The following APC variants were observed in gnomAD, a reference collection of about 807,000 sequenced individuals.
The protein encoded by APC is adenomatous polyposis coli protein.
Under a neutral mutation model 247.0 loss-of-function variants are expected in APC, and 72 were observed. The observed-to-expected ratio is 0.29, with a 90% CI of 0.24 to 0.35. The LOEUF (loss-of-function observed/expected upper bound fraction) is 0.35, where lower values mean the gene tolerates loss of function less well. Among genes scored for constraint, APC ranks in the 10% least tolerant of loss-of-function variants. The probability of loss-of-function intolerance (pLI) is 1.00; values close to 1 mark genes in which losing one functional copy is unlikely to be tolerated. For missense variants in APC, 3,400 were observed against 3,360.7 expected (o/e 1.01, Z -0.29); for synonymous variants, 1,254 against 1,162.5 (o/e 1.08, Z -1.60).
intron 6 of APC, among the ~76,000 whole-genome samples, chr5:112,785,462 CAT>C (rs1328350179): frequency 1.3e-5 from 2 of 152,086 alleles, no homozygotes; most frequent in African/African-American, 4.8e-5. Context: ...TAAAGAAAAA[CAT>C]AAAATTGTTG....
intron 1 of APC, among the ~76,000 whole-genome samples, chr5:112,741,162 T>G (rs1752970395): frequency 6.6e-6 from 1 of 152,196 alleles, no homozygotes; most frequent in South Asian, 2.1e-4. Context: ...ATAAGACACG[T>G]AAACTAATCT....
chr5:112,746,449 T>A lies in APC; in HGVS notation c.-18-8424T>A, dbSNP rs76402559. 4.4e-3 allele frequency among the ~76,000 whole-genome samples: 666 copies of A among 152,278 alleles called. 7 individuals are homozygous for A. Among genetic ancestry groups the A allele is most frequent in the African/African-American group, 0.015 (643 of 41,578 alleles). ...CTATAAAAATTTAAAACTATACATT[T>A]TCTCTTTAAAAATTCTAAGTGAAAT... On this transcript the variant is annotated intron_variant, in intron 1 of 15. Coordinates refer to ENST00000257430, the MANE Select transcript of APC (RefSeq NM_000038.6).
chr5:112,812,850 A>G (rs543103454), intron 8 of APC, among the ~76,000 whole-genome samples: 1 of 152,318 alleles, frequency 6.6e-6, no homozygotes, highest in East Asian at 1.9e-4. Context: ...TTGCATGTGG[A>G]TTTAAAGACC....
chr5:112,743,789 C>G lies in APC; in HGVS notation c.-19+5864C>G, dbSNP rs554744390. On this transcript the variant is annotated intron_variant, in intron 1 of 15. Transcript: ENST00000257430. Reference sequence around the variant, plus strand: ...ACCAGTCATTGAACTTAGGGCCACTCTAATCCAGTATGACCTCATCTCAAA... The same window carrying G: ...ACCAGTCATTGAACTTAGGGCCACTGTAATCCAGTATGACCTCATCTCAAA... Among the ~76,000 whole-genome samples the G allele has an allele frequency of 3.9e-5, 6 of 152,296 alleles. No homozygotes were observed. In the East Asian group the frequency reaches 1.2e-3, roughly 29 times the overall value.
At position 112,840,745 on chromosome 5, in the gene APC, A is replaced by G. The variant is rs1554086481; in HGVS notation, c.5151A>G (p.Lys1717=). 1.9e-6 allele frequency: 3 copies of G among 1,614,138 alleles called. No individual in the cohort carries two copies. In the East Asian group the frequency reaches 6.7e-5, roughly 36 times the overall value. ...SVTIPELDDN[K]AEEGDILAEC... Reference sequence around the variant, plus strand: ...CCATACCTGAATTGGATGACAATAAAGCAGAGGAAGGTGATATTCTTGCAG... The same window carrying G: ...CCATACCTGAATTGGATGACAATAAGGCAGAGGAAGGTGATATTCTTGCAG... The change falls in exon 16 of 16, where the codon AAA becomes AAG. Residue 1717 remains lysine (K), a synonymous_variant. Coordinates refer to ENST00000257430, the MANE Select transcript of APC (RefSeq NM_000038.6). This position sits in a 1 kb window ranked among gnomAD's most constrained non-coding sequence, Gnocchi z 4.1.
At chr5:112,822,029 C>G (rs899102384) in intron 11 of APC, 38 bp downstream of exon 11, 12 of 1,304,346 alleles carry the variant, frequency 9.2e-6, no homozygotes, top group Non-Finnish European at 1.3e-5. Context: ...TAGACAATTA[C>G]TGGTGGATTT....
At chr5:112,746,205 A>C (rs1753656328) in intron 1 of APC, among the ~76,000 whole-genome samples, 1 of 152,142 alleles carries the variant, frequency 6.6e-6, no homozygotes, top group African/African-American at 2.4e-5. Flanking sequence ...GCATTAAAAG[A>C]GTAAATCACA....
chr5:112,808,985 TGA>T, intron 8 of APC, among the ~76,000 whole-genome samples: 1 of 152,204 alleles, frequency 6.6e-6, no homozygotes, highest in South Asian at 2.1e-4. Context: ...AGGAGGTTTG[TGA>T]GAGAAAATAA....
intron 5 of APC, chr5:112,777,622 A>G (rs1268063687): frequency 5.6e-6 from 1 of 179,522 alleles, no homozygotes; most frequent in African/African-American, 2.4e-5. Context: ...CAAGACCCAT[A>G]TAAAACAGGG....
chr5:112,733,774 A>G (rs760423238), upstream of APC, among the ~76,000 whole-genome samples: 1 of 152,210 alleles, frequency 6.6e-6, no homozygotes, highest in Non-Finnish European at 1.5e-5. Context: ...ATTTTATTGT[A>G]GGAAGACTAA....
chr5:112,837,695 A>G lies in APC; in HGVS notation c.2101A>G (p.Met701Val), dbSNP rs1561574872. Reference protein sequence around the residue: ...NPKDQEALWDMGAVSMLKNLI... With the variant: ...NPKDQEALWDVGAVSMLKNLI... ...TAAAGACCAGGAAGCATTATGGGAC[A>G]TGGGGGCAGTTAGCATGCTCAAGAA... Residue 701 changes from methionine to valine, a missense_variant, in exon 16 of 16, where the codon ATG becomes GTG. Met to Val is a conservative substitution (Grantham distance 21). Around this residue, in one of 9 missense-constraint regions of APC, gnomAD observed 184 missense variants for 248.0 expected, o/e 0.74. Coordinates refer to ENST00000257430, the MANE Select transcript of APC (RefSeq NM_000038.6). The G allele has an allele frequency of 1.2e-6, 2 of 1,614,224 alleles. No homozygotes were observed. The highest frequency in any genetic ancestry group is 1.7e-6 in the Non-Finnish European group (2 of 1,180,040).
At chr5:112,778,980 G>A (rs938947904) in intron 5 of APC, among the ~76,000 whole-genome samples, 1 of 152,184 alleles carries the variant, frequency 6.6e-6, no homozygotes, top group Non-Finnish European at 1.5e-5. Flanking sequence ...AAACCGTTTT[G>A]AAAACATGTA....
At chr5:112,717,348 CATT>C (rs1182938221) in intron 1 of APC, among the ~76,000 whole-genome samples, 1 of 152,128 alleles carries the variant, frequency 6.6e-6, no homozygotes, top group African/African-American at 2.4e-5. Flanking sequence ...CTTTCTTCCT[CATT>C]ATTGTTGTTG....
intron 6 of APC, among the ~76,000 whole-genome samples, chr5:112,787,831 C>T (rs1759135594): frequency 1.3e-5 from 2 of 152,056 alleles, no homozygotes; most frequent in South Asian, 2.1e-4. Context: ...GTACTGAAGT[C>T]GTAAAGGTAA....
intron 5 of APC, among the ~76,000 whole-genome samples, chr5:112,779,034 A>T (rs186638863): frequency 5.9e-4 from 90 of 152,334 alleles, no homozygotes; most frequent in African/African-American, 2.0e-3. Flanking sequence ...CAGGAGGTGG[A>T]ACTGGAAGCT....
At chr5:112,734,179 C>T (rs575487624), upstream of APC, among the ~76,000 whole-genome samples, 5 of 152,204 alleles carry the variant, frequency 3.3e-5, no homozygotes, top group African/African-American at 1.2e-4. Flanking sequence ...GGTGACAGAG[C>T]AAGACCTCGT....
intron 1 of APC, among the ~76,000 whole-genome samples, chr5:112,753,052 T>C (rs981411445): frequency 6.6e-6 from 1 of 152,162 alleles, no homozygotes; most frequent in African/African-American, 2.4e-5. Context: ...GTTACTACCT[T>C]TTCTCTTATT....
Position 112,840,857 on chromosome 5 carries a change from G to T in APC, c.5263G>T (p.Ala1755Ser), listed in dbSNP as rs371067258. The stretch of plus-strand genomic sequence containing the variant: ...AATGGACCAGGTCCAGCAAGCATCT[G>T]CGTCTTCTTCTGCACCCAACAAAAA... The part of the protein sequence containing the change: ...KIMDQVQQAS[A>S]SSSAPNKNQL... Residue 1755 changes from alanine (A) to serine (S), a missense_variant, in exon 16 of 16, where the codon GCG (alanine) becomes TCG (serine). Around this residue, in one of 9 missense-constraint regions of APC, gnomAD observed 1,788 missense variants for 1,649.5 expected, o/e 1.08. Coordinates refer to ENST00000257430, the MANE Select transcript of APC (RefSeq NM_000038.6). The surrounding 1 kb of genome is among the most constrained non-coding windows in gnomAD (Gnocchi z 4.1). 1.9e-6 allele frequency: 3 copies of T among 1,614,004 alleles called. No individual in the cohort carries two copies. The African/African-American group carries it at 4.0e-5, about 22-fold the overall frequency.
intron 4 of APC, among the ~76,000 whole-genome samples, chr5:112,774,721 C>T (rs905033216): frequency 9.2e-5 from 14 of 152,072 alleles, no homozygotes; most frequent in African/African-American, 3.4e-4. Flanking sequence ...AAGTGATCCA[C>T]CTGCCTCGGC....
Sources: allele counts gnomAD v4.1 joint callset (sites outside exome capture counted in the v4.1 genomes callset), GRCh38; gene constraint gnomAD v4.1.1; regional missense constraint gnomAD v4.1.1; non-coding constraint Gnocchi (gnomAD v3.1); transcripts MANE v1.5; gene names NCBI Gene and HGNC (gene_info 2026-07-23, HGNC 2026-07-21).